Variants in SYT9 observed in about 807,000 individuals in gnomAD.
SYT9 encodes the protein synaptotagmin 9.
SYT9 carries 22 observed loss-of-function variants against 48.4 expected under a neutral mutation model. The ratio of observed to expected loss-of-function variants is 0.45; its 90% CI spans 0.32 to 0.65. The LOEUF is 0.65. SYT9 is among the 30% of genes least tolerant of loss of function. The pLI is 0.03. For missense variants in SYT9, 577 were observed against 622.0 expected (o/e 0.93, Z 0.77); for synonymous variants, 265 against 245.0 (o/e 1.08, Z -0.76).
chr11:7,380,534 C>G (rs1850541458), intron 3 of SYT9, among the ~76,000 whole-genome samples: 1 of 152,048 alleles, frequency 6.6e-6, no homozygotes, highest in South Asian at 2.1e-4. Context: ...ATTCCTGTAT[C>G]AAAACCTCTC....
chr11:7,291,189 TTA>T (rs1848691419), intron 1 of SYT9, among the ~76,000 whole-genome samples: 1 of 152,192 alleles, frequency 6.6e-6, no homozygotes, highest in Non-Finnish European at 1.5e-5. Flanking sequence ...AAGGAATCCC[TTA>T]TTATAGTCCA....
chr11:7,243,158 ATT>A (rs1847756880), intron 1 of SYT9, among the ~76,000 whole-genome samples: 1 of 152,196 alleles, frequency 6.6e-6, no homozygotes, highest in Non-Finnish European at 1.5e-5. Context: ...GAGAAAAAAT[ATT>A]TGTGTGACAA....
chr11:7,408,474 A>T (rs1015335958), intron 3 of SYT9, among the ~76,000 whole-genome samples: 6 of 152,220 alleles, frequency 3.9e-5, no homozygotes, highest in African/African-American at 1.4e-4. Context: ...ATCCATGAGC[A>T]TGGGATGTCT....
intron 2 of SYT9, among the ~76,000 whole-genome samples, chr11:7,312,211 T>TGGTGACAA (rs1849149461): frequency 6.6e-6 from 1 of 152,182 alleles, no homozygotes; most frequent in Non-Finnish European, 1.5e-5. Context: ...ACAATATCTG[T>TGGTGACAA]GGTGACAAGG....
intron 1 of SYT9, among the ~76,000 whole-genome samples, chr11:7,262,869 G>A (rs183955856): frequency 1.3e-5 from 2 of 152,246 alleles, no homozygotes; most frequent in East Asian, 1.9e-4. Flanking sequence ...GCTGACAAGA[G>A]CAAATAAATG....
At chr11:7,435,565 A>G (rs1371681686) in intron 6 of SYT9, 1 of 152,250 alleles carries the variant, frequency 6.6e-6, no homozygotes, top group Non-Finnish European at 1.5e-5. Context: ...AAATAACTGT[A>G]TTCCATAACT....
chr11:7,269,694 C>T (rs1363577298), intron 1 of SYT9, among the ~76,000 whole-genome samples: 1 of 152,166 alleles, frequency 6.6e-6, no homozygotes, highest in African/African-American at 2.4e-5. Flanking sequence ...CGAAGTCCCA[C>T]TCTATACTTG....
intron 3 of SYT9, among the ~76,000 whole-genome samples, chr11:7,316,092 C>G (rs1849238791): frequency 1.3e-5 from 2 of 150,134 alleles, no homozygotes. Flanking sequence ...AGAGACTGAA[C>G]ATAAAGAGCT....
chr11:7,319,864 T>C (rs922742074), intron 3 of SYT9, among the ~76,000 whole-genome samples: 19 of 152,182 alleles, frequency 1.2e-4, no homozygotes, highest in African/African-American at 4.6e-4. Context: ...CTTACCTCTG[T>C]GGATTAATGC....
chr11:7,351,403 T>A (rs1472785425), intron 3 of SYT9, among the ~76,000 whole-genome samples: 1 of 152,166 alleles, frequency 6.6e-6, no homozygotes, highest in Non-Finnish European at 1.5e-5. Flanking sequence ...AGCCACCTAA[T>A]GTAGGATGCA....
At chr11:7,332,274 G>A (rs372823770) in intron 3 of SYT9, among the ~76,000 whole-genome samples, 2 of 152,294 alleles carry the variant, frequency 1.3e-5, no homozygotes, top group African/African-American at 4.8e-5. Flanking sequence ...CCCTGTGCTA[G>A]TCTTTCATGG....
intron 3 of SYT9, among the ~76,000 whole-genome samples, chr11:7,402,730 G>C (rs1206816068): frequency 6.6e-6 from 1 of 151,892 alleles, no homozygotes; most frequent in African/African-American, 2.4e-5. Flanking sequence ...ATTTTAAGTA[G>C]GTTTTTTGTA....
intron 6 of SYT9, among the ~76,000 whole-genome samples, chr11:7,466,226 A>T (rs4337016): frequency 0.22 from 32,748 of 151,922 alleles, 4,605 homozygotes; most frequent in African/African-American, 0.41. Flanking sequence ...AGACTCATCA[A>T]TCAGAATGCT....
intron 2 of SYT9, among the ~76,000 whole-genome samples, chr11:7,309,408 C>T (rs1421558876): frequency 6.6e-6 from 1 of 152,206 alleles, no homozygotes; most frequent in Non-Finnish European, 1.5e-5. Flanking sequence ...CCCAGACCTA[C>T]TCAGAGGACT....
At chr11:7,281,387 C>G (rs2133902698) in intron 1 of SYT9, among the ~76,000 whole-genome samples, 1 of 152,286 alleles carries the variant, frequency 6.6e-6, no homozygotes, top group South Asian at 2.1e-4. Context: ...GTAAAGGTAC[C>G]CCTCTCATGT....
intron 1 of SYT9, among the ~76,000 whole-genome samples, chr11:7,269,092 A>G (rs1443538786): frequency 6.6e-6 from 1 of 152,064 alleles, no homozygotes; most frequent in East Asian, 1.9e-4. Context: ...GTATTCCATT[A>G]GATGGATGTA....
At chr11:7,325,743 G>A (rs1394043566) in intron 3 of SYT9, among the ~76,000 whole-genome samples, 2 of 73,650 alleles carry the variant, frequency 2.7e-5, no homozygotes. Flanking sequence ...GATATTGGCT[G>A]TGGGTTTGTC....
chr11:7,442,998 G>GAT (rs1345431290), intron 6 of SYT9, among the ~76,000 whole-genome samples: 2 of 151,986 alleles, frequency 1.3e-5, no homozygotes, highest in Non-Finnish European at 2.9e-5. Context: ...GAGAGAGAGA[G>GAT]AGATAATGAA....
chr11:7,313,609 A>C lies in SYT9; in HGVS notation c.712A>C (p.Ile238Leu). Residue 238 changes from isoleucine (I) to leucine (L), a missense_variant, in exon 3 of 7, where the codon ATA becomes CTA. Ile to Leu is a conservative substitution (Grantham distance 5, BLOSUM62 2). Transcript: ENST00000318881. ...ATATGACTGTGACTTAGAGCAGCTC[A>C]TAGTGAAGATTCACAAAGCTGTCAA... ...LKYDCDLEQL[I>L]VKIHKAVNLP... is the part of the protein sequence containing the mutation. The C allele has an allele frequency of 6.2e-7, 1 of 1,614,192 alleles. No homozygotes were observed. Among genetic ancestry groups the C allele is most frequent in the Non-Finnish European group, 8.5e-7 (1 of 1,180,002 alleles).
Sources: gnomAD v4.1 joint callset for allele counts (sites outside exome capture counted in the v4.1 genomes callset) on GRCh38, gnomAD v4.1.1 for gene constraint, MANE v1.5 for transcripts, NCBI Gene and HGNC (gene_info 2026-07-23, HGNC 2026-07-21) for gene names.